ATXN2: variants seen among roughly 807,000 people sequenced by gnomAD.
ATXN2 encodes the protein ataxin 2, also known as ataxin-2.
A neutral mutation model predicts 138.6 loss-of-function variants in ATXN2; 37 were observed. The observed-to-expected ratio is 0.27, with a 90% CI of 0.21 to 0.35. The LOEUF is 0.35. Ranked by LOEUF, ATXN2 falls within the 10% of genes least tolerant of loss-of-function variation. ATXN2 has a pLI of 1.00. For synonymous variants in ATXN2, 549 were observed against 543.7 expected, an observed-to-expected ratio of 1.01 and a Z score of -0.13; for missense variants, 1,216 against 1,480.3, an observed-to-expected ratio of 0.82 and a Z score of 2.93.
chr12:111,456,781 G>A (rs1183703105), intron 22 of ATXN2, among the ~76,000 whole-genome samples: 2 of 151,410 alleles, frequency 1.3e-5, no homozygotes, highest in East Asian at 1.9e-4. Flanking sequence ...ACAGAGTCTC[G>A]CTGTTGTCCA....
Position 111,552,756 on chromosome 12 carries a change from C to T in ATXN2, c.420+150G>A. 3.4e-6 allele frequency: 2 copies of T among 585,144 alleles called. No homozygotes were observed. The highest frequency in any genetic ancestry group is 5.7e-6 in the Non-Finnish European group (2 of 348,064). The allele number at this position is 585,144 out of a possible 1,614,324, so 36.2% of individuals were successfully genotyped here. A position where few individuals can be genotyped will look rare whatever the true frequency, so the allele number is the denominator to read the frequency against. ...TTTAATAAGCACACACATCAAGAAGCCTCTCTGATTACACAAACCAGTCTA... is the reference window on the plus strand; with the variant it reads ...TTTAATAAGCACACACATCAAGAAGTCTCTCTGATTACACAAACCAGTCTA... On this transcript the variant is annotated intron_variant, in intron 4 of 24. Coordinates refer to ENST00000673436, the MANE Select transcript of ATXN2 (RefSeq NM_001372574.1). This position sits in a 1 kb window ranked among gnomAD's most constrained non-coding sequence, Gnocchi z 4.1.
rs1252524514 is a variant in ATXN2, at chr12:111,598,527, C to G, written c.251+257G>C. ...ACACGCGTGGGGAGGGGAGGCCGCC[C>G]GCTCCCTCCATCTTGACCGCCGGGG... is the stretch of plus-strand genomic sequence containing the variant. On this transcript the variant is annotated intron_variant, in intron 1 of 24. Coordinates refer to ENST00000673436, the MANE Select transcript of ATXN2 (RefSeq NM_001372574.1). The surrounding 1 kb of genome is among the most constrained non-coding windows in gnomAD (Gnocchi z 4.5). 4 of 985,156 alleles carry G rather than the reference C, an allele frequency of 4.1e-6. No individual in the cohort carries two copies. The highest frequency in any genetic ancestry group is 4.8e-6 in the Non-Finnish European group (4 of 829,984). The allele number at this position is 985,156 out of a possible 1,614,324, so 61.0% of individuals were successfully genotyped here. A position where few individuals can be genotyped will look rare whatever the true frequency, so the allele number is the denominator to read the frequency against.
intron 14 of ATXN2, among the ~76,000 whole-genome samples, chr12:111,501,399 C>T (rs1051119443): frequency 1.3e-5 from 2 of 152,150 alleles, no homozygotes; most frequent in Non-Finnish European, 2.9e-5. Flanking sequence ...GTTAGGACAA[C>T]GGACCTAAGC....
At chr12:111,482,766 TAA>T (rs1328965303) in intron 18 of ATXN2, 1 of 151,798 alleles carries the variant, frequency 6.6e-6, no homozygotes, top group Non-Finnish European at 1.5e-5. Context: ...AAAATAAGAT[TAA>T]ACTCTATAAT....
At chr12:111,529,626 G>A (rs1880701442) in intron 5 of ATXN2, among the ~76,000 whole-genome samples, 1 of 152,096 alleles carries the variant, frequency 6.6e-6, no homozygotes, top group Non-Finnish European at 1.5e-5. Flanking sequence ...GCCACCTGCT[G>A]GTGGTCATAA....
intron 20 of ATXN2, among the ~76,000 whole-genome samples, chr12:111,466,194 T>TA (rs1876005374): frequency 8.5e-6 from 1 of 117,328 alleles, no homozygotes; most frequent in African/African-American, 3.1e-5. Flanking sequence ...AAAAAATAAA[T>TA]AAAAAATAAA....
In ATXN2 at chr12:111,516,446, T is replaced by C; in HGVS notation, c.1166-83A>G. 2 of 1,264,704 alleles carry C rather than the reference T, an allele frequency of 1.6e-6. No individual in the cohort carries two copies. The highest frequency in any genetic ancestry group is 2.2e-6 in the Non-Finnish European group (2 of 916,948). The allele number at this position is 1,264,704 out of a possible 1,614,324, so 78.3% of individuals were successfully genotyped here. On this transcript the variant is annotated intron_variant, in intron 9 of 24. Coordinates refer to ENST00000673436, the MANE Select transcript of ATXN2 (RefSeq NM_001372574.1). This position sits in a 1 kb window ranked among gnomAD's most constrained non-coding sequence, Gnocchi z 5.0. ...AAAAGTAAACAGAAAAAAAGTAAAA[T>C]GACAAAAATGATTTCTTGTACATTT...
intron 14 of ATXN2, among the ~76,000 whole-genome samples, chr12:111,499,625 G>A (rs1438518518): frequency 6.6e-6 from 1 of 151,416 alleles, no homozygotes; most frequent in South Asian, 2.1e-4. Context: ...AGTGAGCCAA[G>A]ATCACACCAC....
chr12:111,516,489 T>A lies in ATXN2; in HGVS notation c.1166-126A>T. ...GTACATTTTAACCCTTTGAGGACAG[T>A]CATTTGATTTGTGATAAGTTTTAGC... is the stretch of plus-strand genomic sequence containing the variant. On this transcript the variant is annotated intron_variant, in intron 9 of 24. Coordinates refer to ENST00000673436, the MANE Select transcript of ATXN2 (RefSeq NM_001372574.1). This position sits in a 1 kb window ranked among gnomAD's most constrained non-coding sequence, Gnocchi z 5.0. 1.1e-6 allele frequency: 1 copy of A among 894,528 alleles called. No homozygotes were observed. The highest frequency in any genetic ancestry group is 1.7e-6 in the Non-Finnish European group (1 of 598,214). The allele number at this position is 894,528 out of a possible 1,614,324, so 55.4% of individuals were successfully genotyped here. A position where few individuals can be genotyped will look rare whatever the true frequency, so the allele number is the denominator to read the frequency against.
chr12:111,470,775 A>G, intron 18 of ATXN2, 33 bp from the exon 19 acceptor site: 2 of 1,608,342 alleles, frequency 1.2e-6, no homozygotes, highest in Non-Finnish European at 1.7e-6. Flanking sequence ...CCTATTAAAC[A>G]GTATCTCCAC....
chr12:111,592,651 T>C (rs1176389554), intron 1 of ATXN2, among the ~76,000 whole-genome samples: 1 of 149,480 alleles, frequency 6.7e-6, no homozygotes, highest in Non-Finnish European at 1.5e-5. Context: ...GGCGTGGTGG[T>C]GTGCGCATGT....
At chr12:111,557,168 G>A (rs1486370499) in intron 1 of ATXN2, among the ~76,000 whole-genome samples, 1 of 152,146 alleles carries the variant, frequency 6.6e-6, no homozygotes, top group Non-Finnish European at 1.5e-5. Flanking sequence ...AATAGGACTG[G>A]AATCTCATTT....
chr12:111,522,195 C>A (rs1880194750), intron 6 of ATXN2, among the ~76,000 whole-genome samples: 1 of 145,180 alleles, frequency 6.9e-6, no homozygotes, highest in African/African-American at 2.5e-5. Context: ...CTTATGGAGG[C>A]TTTAAAATTA....
chr12:111,518,440 G>C lies in ATXN2; in HGVS notation c.987-13C>G, dbSNP rs753033228. The C allele has an allele frequency of 1.9e-6, 3 of 1,585,832 alleles. No individual in the cohort carries two copies. The highest frequency in any genetic ancestry group is 2.7e-5 in the African/African-American group (2 of 74,168). ...ATATTTATTTTCCCTGAAAATGAGA[G>C]ATCCTCTAAATCATTTTATTCTAAA... On this transcript the variant is annotated splice_polypyrimidine_tract_variant and intron_variant, in intron 8 of 24. Transcript: ENST00000673436.
At chr12:111,502,523 G>A (rs997350277) in intron 14 of ATXN2, among the ~76,000 whole-genome samples, 9 of 151,976 alleles carry the variant, frequency 5.9e-5, no homozygotes, top group African/African-American at 1.9e-4. Context: ...ACCGCCTCCC[G>A]GGTTCAAGCA....
chr12:111,516,047 A>T lies in ATXN2; in HGVS notation c.1375+107T>A. On this transcript the variant is annotated intron_variant, in intron 10 of 24. Transcript: ENST00000673436. This position sits in a 1 kb window ranked among gnomAD's most constrained non-coding sequence, Gnocchi z 5.0. ...TTAATAAACTAAAGTTAAAACACAG[A>T]AATTATAGGTTATTAAATAATGAAG... 9.3e-7 allele frequency: 1 copy of T among 1,071,834 alleles called. No homozygotes were observed. The highest frequency in any genetic ancestry group is 1.7e-5 in the South Asian group (1 of 57,162). 66.4% of individuals were successfully genotyped at this position (1,071,834 alleles called of 1,614,324 possible). A position where few individuals can be genotyped will look rare whatever the true frequency, so the allele number is the denominator to read the frequency against.
Position 111,453,358 on chromosome 12 carries a change from GA to G in ATXN2, c.3439+318del. On this transcript the variant is annotated intron_variant, in intron 24 of 24. Coordinates refer to ENST00000673436, the MANE Select transcript of ATXN2 (RefSeq NM_001372574.1). This position sits in a 1 kb window ranked among gnomAD's most constrained non-coding sequence, Gnocchi z 5.4. ...TGTCAGACTTTTGGGACTCAGGAAG[GA>G]AAACACTGCCCTGTCCAGCCTGTCA... 9.0e-7 allele frequency: 1 copy of G among 1,113,584 alleles called. No individual in the cohort carries two copies. Among genetic ancestry groups the G allele is most frequent in the Non-Finnish European group, 1.1e-6 (1 of 912,730 alleles). 69.0% of individuals were successfully genotyped at this position (1,113,584 alleles called of 1,614,324 possible).
At chr12:111,533,345 A>T (rs963658290) in intron 5 of ATXN2, among the ~76,000 whole-genome samples, 2 of 152,170 alleles carry the variant, frequency 1.3e-5, no homozygotes, top group African/African-American at 4.8e-5. Flanking sequence ...CCCTGATACA[A>T]AGTGGTGTAG....
chr12:111,551,123 CCT>C (rs1360193769), intron 5 of ATXN2, among the ~76,000 whole-genome samples: 1 of 151,938 alleles, frequency 6.6e-6, no homozygotes, highest in African/African-American at 2.4e-5. Context: ...ATGGTGAAAC[CCT>C]GTCTCTACAA....
Sources: allele counts gnomAD v4.1 joint callset (sites outside exome capture counted in the v4.1 genomes callset), GRCh38; gene constraint gnomAD v4.1.1; non-coding constraint Gnocchi (gnomAD v3.1); transcripts MANE v1.5; gene names NCBI Gene and HGNC (gene_info 2026-07-23, HGNC 2026-07-21).